Variants in DMD observed in about 807,000 individuals in gnomAD.
The protein encoded by DMD is mutant dystrophin.
DMD carries 63 observed loss-of-function variants against 330.1 expected under a neutral mutation model. The observed-to-expected ratio is 0.19, with a 90% CI of 0.16 to 0.24. DMD has a LOEUF of 0.24. Ranked by LOEUF, DMD falls within the 10% of genes least tolerant of loss-of-function variation. DMD has a pLI of 1.00. For missense variants in DMD, 3,344 were observed against 2,684.1 expected, an observed-to-expected ratio of 1.25 and a Z score of -5.43; for synonymous variants, 1,223 against 959.8, an observed-to-expected ratio of 1.27 and a Z score of -5.07.
At chrX:31,971,878 C>T (rs1329759384) in intron 44 of DMD, among the ~76,000 whole-genome samples, 1 of 111,680 alleles carries the variant, frequency 9.0e-6, no homozygotes, top group Non-Finnish European at 1.9e-5. Context: ...ATTTCTCTGG[C>T]AATTAACATC....
chrX:32,435,293 T>TATATATATATATATATATATATAA (rs2098256259), intron 29 of DMD, among the ~76,000 whole-genome samples: 1 of 100,594 alleles, frequency 9.9e-6, no homozygotes, highest in Non-Finnish European at 2.0e-5. Flanking sequence ...TATATATATA[T>TATATATATATATATATATATATAA]ATATTTACAC....
chrX:31,449,795 T>TATATATAGATAG (rs1556643941), intron 59 of DMD, among the ~76,000 whole-genome samples: 1 of 81,281 alleles, frequency 1.2e-5, no homozygotes, highest in South Asian at 6.7e-4. Context: ...TATATATATA[T>TATATATAGATAG]ATAGATAGAT....
At position 33,164,442 on chromosome X, in the gene DMD, C is replaced by A. The variant is rs755321682; in HGVS notation, c.31+46840G>T. 2.7e-5 allele frequency among the ~76,000 whole-genome samples: 3 copies of A among 111,675 alleles called. No individual in the cohort carries two copies. In the East Asian group the frequency reaches 8.4e-4, roughly 31 times the overall value. On this transcript the variant is annotated intron_variant, in intron 1 of 78. Coordinates refer to ENST00000357033, the MANE Select transcript of DMD (RefSeq NM_004006.3). Reference sequence around the variant, plus strand: ...CCAATGTAGAGCTTAATAAATTCACCTTTAGATTATCAATAATAAACACAC... The same window carrying A: ...CCAATGTAGAGCTTAATAAATTCACATTTAGATTATCAATAATAAACACAC...
At chrX:31,923,594 C>T (rs1170333248) in intron 47 of DMD, among the ~76,000 whole-genome samples, 1 of 76,214 alleles carries the variant, frequency 1.3e-5, no homozygotes, top group Non-Finnish European at 2.4e-5. Context: ...GGTGAACACC[C>T]TTTTTTTTTT....
intron 1 of DMD, among the ~76,000 whole-genome samples, chrX:33,113,543 A>G (rs1385373726): frequency 1.8e-5 from 2 of 111,437 alleles, no homozygotes; most frequent in Non-Finnish European, 3.8e-5. Context: ...TAGGAAAGAC[A>G]TTTGCAAAGC....
At chrX:31,557,370 T>A (rs1292272536) in intron 55 of DMD, among the ~76,000 whole-genome samples, 1 of 111,691 alleles carries the variant, frequency 9.0e-6, no homozygotes, top group Non-Finnish European at 1.9e-5. Context: ...TGTCTCAGTA[T>A]CCTCTCACCC....
At chrX:33,055,519 T>C (rs2148035390) in intron 1 of DMD, among the ~76,000 whole-genome samples, 1 of 112,105 alleles carries the variant, frequency 8.9e-6, no homozygotes, top group Non-Finnish European at 1.9e-5. Flanking sequence ...CTGACACAAA[T>C]GCCTGAACGC....
chrX:31,822,706 T>C (rs1393296180), intron 49 of DMD, among the ~76,000 whole-genome samples: 2 of 27,937 alleles, frequency 7.2e-5, no homozygotes, highest in Non-Finnish European at 1.3e-4. Context: ...GTGTGTATTT[T>C]TCTTGCCTTT....
intron 77 of DMD, among the ~76,000 whole-genome samples, chrX:31,128,177 A>C (rs2033987524): frequency 9.0e-6 from 1 of 111,598 alleles, no homozygotes; most frequent in Non-Finnish European, 1.9e-5. Context: ...TTAAAAAAGT[A>C]TCTTTATGTT....
At chrX:32,078,934 C>T (rs2096372329) in intron 44 of DMD, among the ~76,000 whole-genome samples, 1 of 111,796 alleles carries the variant, frequency 8.9e-6, no homozygotes, top group South Asian at 3.7e-4. Context: ...AAACTATACT[C>T]CATGTTTCTC....
intron 1 of DMD, among the ~76,000 whole-genome samples, chrX:33,126,801 T>C (rs1230296115): frequency 8.1e-5 from 9 of 111,674 alleles, no homozygotes; most frequent in Non-Finnish European, 1.5e-4. Context: ...CGGTAAACAT[T>C]GCAAATCAAC....
At chrX:32,300,168 C>T (rs1359526433) in intron 42 of DMD, among the ~76,000 whole-genome samples, 1 of 111,800 alleles carries the variant, frequency 8.9e-6, no homozygotes, top group Non-Finnish European at 1.9e-5. Flanking sequence ...TTGAGTTGAA[C>T]TTGCTTATGA....
At chrX:33,051,620 A>G (rs990740016) in intron 1 of DMD, among the ~76,000 whole-genome samples, 2 of 107,205 alleles carry the variant, frequency 1.9e-5, no homozygotes, top group Non-Finnish European at 3.8e-5. Context: ...CCCTTTTAAA[A>G]TAAGGAAAAT....
chrX:31,566,676 A>G (rs984296634), intron 55 of DMD, among the ~76,000 whole-genome samples: 1 of 111,690 alleles, frequency 9.0e-6, no homozygotes, highest in African/African-American at 3.2e-5. Context: ...AAACCTTTAG[A>G]TTGATTTGAG....
At chrX:32,685,520 C>G (rs901589198) in intron 9 of DMD, among the ~76,000 whole-genome samples, 2 of 111,404 alleles carry the variant, frequency 1.8e-5, no homozygotes, top group East Asian at 5.6e-4. Flanking sequence ...TTAAATTGAC[C>G]AGAGTTCCCA....
At chrX:32,547,772 C>T (rs1156957118) in intron 16 of DMD, among the ~76,000 whole-genome samples, 1 of 111,094 alleles carries the variant, frequency 9.0e-6, no homozygotes, top group Non-Finnish European at 1.9e-5. Context: ...TATTACAGAG[C>T]TCACTACTCC....
At chrX:32,464,995 T>C (rs142589065) in intron 23 of DMD, among the ~76,000 whole-genome samples, 2 of 112,081 alleles carry the variant, frequency 1.8e-5, no homozygotes, top group Admixed American at 1.9e-4. Context: ...AAATTTTAAG[T>C]TACAAAACAA....
intron 1 of DMD, among the ~76,000 whole-genome samples, chrX:33,264,184 G>C (rs1208196523): frequency 9.0e-6 from 1 of 111,126 alleles, no homozygotes; most frequent in East Asian, 2.8e-4. Context: ...TAAAATAAAT[G>C]CACTGTCGAG....
chrX:32,334,906 T>C (rs2097698022), intron 41 of DMD, among the ~76,000 whole-genome samples: 1 of 111,554 alleles, frequency 9.0e-6, no homozygotes, highest in Non-Finnish European at 1.9e-5. Flanking sequence ...GAAACTTTTT[T>C]CCTTTTTTAT....
Sources: allele counts gnomAD v4.1 joint callset (sites outside exome capture counted in the v4.1 genomes callset), GRCh38; gene constraint gnomAD v4.1.1; transcripts MANE v1.5; gene names NCBI Gene and HGNC (gene_info 2026-07-23, HGNC 2026-07-21).